Variants in GPC6 observed in about 807,000 individuals in gnomAD.
The protein encoded by GPC6 is glypican-6.
Under a neutral mutation model 55.2 loss-of-function variants are expected in GPC6, and 14 were observed. The ratio of observed to expected loss-of-function variants is 0.25; its 90% CI spans 0.17 to 0.40. GPC6 has a LOEUF of 0.40. Among genes scored for constraint, GPC6 ranks in the 10% least tolerant of loss-of-function variants. The pLI is 1.00. For synonymous variants in GPC6, 278 were observed against 259.6 expected (o/e 1.07, Z -0.68); for missense variants, 641 against 708.5 (o/e 0.90, Z 1.08).
chr13:94,105,991 T>TG (rs1886041370), intron 4 of GPC6, among the ~76,000 whole-genome samples: 1 of 100,592 alleles, frequency 9.9e-6, no homozygotes, highest in African/African-American at 3.9e-5. Context: ...GTTATCCAGC[T>TG]ATCCTACATT....
chr13:94,019,351 A>G (rs1030080109), intron 3 of GPC6, among the ~76,000 whole-genome samples: 1 of 152,158 alleles, frequency 6.6e-6, no homozygotes, highest in Non-Finnish European at 1.5e-5. Flanking sequence ...TGTATATTAT[A>G]TTACCACAAA....
At chr13:93,496,088 C>G (rs1594213066) in intron 1 of GPC6, among the ~76,000 whole-genome samples, 1 of 152,122 alleles carries the variant, frequency 6.6e-6, no homozygotes, top group African/African-American at 2.4e-5. Flanking sequence ...TTTACCTAAG[C>G]AAGCCTGGGC....
At chr13:93,325,383 A>G (rs1407206693) in intron 1 of GPC6, among the ~76,000 whole-genome samples, 2 of 152,178 alleles carry the variant, frequency 1.3e-5, no homozygotes, top group African/African-American at 4.8e-5. Flanking sequence ...ATACTTACAG[A>G]CAATAAGGAT....
At chr13:94,332,135 T>C (rs1300894775) in intron 6 of GPC6, among the ~76,000 whole-genome samples, 18 of 152,218 alleles carry the variant, frequency 1.2e-4, no homozygotes, top group Admixed American at 1.2e-3. Flanking sequence ...CTTTGACTAT[T>C]ACCCGATATT....
intron 1 of GPC6, among the ~76,000 whole-genome samples, chr13:93,294,620 G>C (rs1878423354): frequency 6.6e-6 from 1 of 152,118 alleles, no homozygotes; most frequent in South Asian, 2.1e-4. Context: ...TCTCGAAGTT[G>C]CTTAGAGTCT....
At chr13:94,142,576 G>T (rs779643508) in intron 4 of GPC6, among the ~76,000 whole-genome samples, 1 of 152,088 alleles carries the variant, frequency 6.6e-6, no homozygotes, top group Non-Finnish European at 1.5e-5. Context: ...AAATGGAGAA[G>T]AGAACTTTTT....
intron 4 of GPC6, among the ~76,000 whole-genome samples, chr13:94,167,780 A>G (rs1028707462): frequency 6.6e-6 from 1 of 152,144 alleles, no homozygotes; most frequent in Non-Finnish European, 1.5e-5. Context: ...AAGGTAACAG[A>G]AGACTATCTG....
intron 2 of GPC6, among the ~76,000 whole-genome samples, chr13:93,586,578 T>G (rs1337099296): frequency 6.6e-6 from 1 of 152,220 alleles, no homozygotes; most frequent in Non-Finnish European, 1.5e-5. Context: ...AGATTGAAAC[T>G]GGACCCCTTC....
intron 1 of GPC6, among the ~76,000 whole-genome samples, chr13:93,500,109 T>C (rs1880466989): frequency 6.6e-6 from 1 of 152,164 alleles, no homozygotes; most frequent in Non-Finnish European, 1.5e-5. Flanking sequence ...TTTGGCATTC[T>C]TTGGCATACT....
chr13:94,198,022 T>C (rs1889633830), intron 4 of GPC6, among the ~76,000 whole-genome samples: 1 of 152,248 alleles, frequency 6.6e-6, no homozygotes, highest in Non-Finnish European at 1.5e-5. Flanking sequence ...TATAAAATAC[T>C]AACCATTGTT....
chr13:93,898,430 T>C (rs1876145379), intron 3 of GPC6, among the ~76,000 whole-genome samples: 2 of 152,112 alleles, frequency 1.3e-5, no homozygotes, highest in Admixed American at 6.6e-5. Flanking sequence ...AAGCCACAGT[T>C]GCCTTGGTGA....
chr13:93,759,075 G>T (rs2138873928), intron 2 of GPC6, among the ~76,000 whole-genome samples: 1 of 152,194 alleles, frequency 6.6e-6, no homozygotes, highest in South Asian at 2.1e-4. Context: ...TAAGCTGCAA[G>T]ATACAGCCCA....
intron 1 of GPC6, among the ~76,000 whole-genome samples, chr13:93,242,001 G>GA (rs1485683340): frequency 2.6e-5 from 4 of 152,170 alleles, no homozygotes; most frequent in African/African-American, 9.7e-5. Context: ...GCGGGTGTGT[G>GA]AATAGGGCCA....
In GPC6 at chr13:93,384,021, A is replaced by AATT. The variant is rs1875291581; in HGVS notation, c.160+156406_160+156407insTTA. ...TGATTTAGTGTTCTCTCACTTATTA[A>AATT]AGGCTTGGATCATACCAAAGACATA... On this transcript the variant is annotated intron_variant, in intron 1 of 8. Coordinates refer to ENST00000377047, the MANE Select transcript of GPC6 (RefSeq NM_005708.5). Among the ~76,000 whole-genome samples, 4 of 152,150 alleles carry AATT rather than the reference A, an allele frequency of 2.6e-5. No individual in the cohort carries two copies. The South Asian group carries it at 8.3e-4, about 32-fold the overall frequency.
intron 4 of GPC6, among the ~76,000 whole-genome samples, chr13:94,093,285 T>G (rs1176395981): frequency 6.6e-6 from 1 of 152,122 alleles, no homozygotes; most frequent in East Asian, 1.9e-4. Flanking sequence ...TTGAATTAAT[T>G]TTTTATATTG....
chr13:93,825,899 C>T (rs1372205106), intron 2 of GPC6, among the ~76,000 whole-genome samples: 3 of 124,316 alleles, frequency 2.4e-5, no homozygotes, highest in Non-Finnish European at 4.8e-5. Context: ...CTTGCTCTGT[C>T]CCCCAGGCTG....
At chr13:93,626,102 C>T (rs1248928744) in intron 2 of GPC6, among the ~76,000 whole-genome samples, 1 of 152,132 alleles carries the variant, frequency 6.6e-6, no homozygotes, top group Non-Finnish European at 1.5e-5. Context: ...GCTACAAACG[C>T]TATGGCAATA....
intron 1 of GPC6, among the ~76,000 whole-genome samples, chr13:93,319,160 T>A (rs954427310): frequency 6.6e-6 from 1 of 152,164 alleles, no homozygotes; most frequent in Non-Finnish European, 1.5e-5. Flanking sequence ...AGGAAAGAGA[T>A]GGTGACATTT....
rs1881330562 is a variant in GPC6, at chr13:94,405,451, T to A, written c.*2234T>A. 6.6e-6 allele frequency: 1 copy of A among 152,222 alleles called. No homozygotes were observed. Among genetic ancestry groups the A allele is most frequent in the African/African-American group, 2.4e-5 (1 of 41,462 alleles). The allele number at this position is 152,222 out of a possible 1,614,324, so 9.4% of individuals were successfully genotyped here. ...CAATACAAATTAAATCAACCTTGAT[T>A]TTCCAGACTATTTGAATAATAACTT... On this transcript the variant is annotated 3_prime_UTR_variant, in exon 9 of 9. Transcript: ENST00000377047.
Sources: gnomAD v4.1 joint callset for allele counts (sites outside exome capture counted in the v4.1 genomes callset) on GRCh38, gnomAD v4.1.1 for gene constraint, MANE v1.5 for transcripts, NCBI Gene and HGNC (gene_info 2026-07-23, HGNC 2026-07-21) for gene names.